The following DACH1 variants were observed in gnomAD, a reference collection of about 807,000 sequenced individuals.
DACH1 encodes the protein dachshund family transcription factor 1.
In DACH1, 12 loss-of-function variants were observed where a neutral mutation model predicts 54.2. The observed-to-expected ratio is 0.22, with a 90% CI of 0.14 to 0.36. The LOEUF is 0.36. Among genes scored for constraint, DACH1 ranks in the 10% least tolerant of loss-of-function variants. The pLI is 1.00. For missense variants in DACH1, 805 were observed against 929.8 expected, an observed-to-expected ratio of 0.87 and a Z score of 1.75; for synonymous variants, 386 against 366.2, an observed-to-expected ratio of 1.05 and a Z score of -0.62.
chr13:71,712,832 T>A (rs1250599497), intron 1 of DACH1, among the ~76,000 whole-genome samples: 2 of 152,140 alleles, frequency 1.3e-5, no homozygotes, highest in Non-Finnish European at 2.9e-5. Flanking sequence ...AACCTTTTCA[T>A]ATTTCACTAA....
At chr13:71,805,210 C>T (rs1427841478) in intron 1 of DACH1, among the ~76,000 whole-genome samples, 2 of 152,018 alleles carry the variant, frequency 1.3e-5, no homozygotes, top group Non-Finnish European at 2.9e-5. Flanking sequence ...CATTTGTATA[C>T]AATTATCATC....
chr13:71,663,168 G>C (rs1879619598), intron 2 of DACH1, among the ~76,000 whole-genome samples: 1 of 151,944 alleles, frequency 6.6e-6, no homozygotes, highest in South Asian at 2.1e-4. Flanking sequence ...GATTGTGTGT[G>C]TGTGTGTGTA....
At chr13:71,558,660 C>T (rs1884403438) in intron 5 of DACH1, among the ~76,000 whole-genome samples, 2 of 151,842 alleles carry the variant, frequency 1.3e-5, no homozygotes, top group Admixed American at 1.3e-4. Context: ...CATTTGAAAA[C>T]TGTTTTAAAA....
chr13:71,866,406 TGCC>T lies in DACH1; in HGVS notation c.361_363del (p.Gly121del), dbSNP rs530672616. ...GAAGCGACGCCGCCGCCAGCGCTGA[TGCC>T]GCCGCCGCCGCCGCCGCTGCCGTTG... On this transcript the variant is annotated inframe_deletion, in exon 1 of 11. Coordinates refer to ENST00000613252, the MANE Select transcript of DACH1 (RefSeq NM_080759.6). 3.3e-4 allele frequency: 470 copies of T among 1,417,726 alleles called. No individual in the cohort carries two copies. The highest frequency in any genetic ancestry group is 6.9e-4 in the Admixed American group (29 of 42,272). 87.8% of individuals were successfully genotyped at this position (1,417,726 alleles called of 1,614,324 possible).
At chr13:71,678,827 T>A (rs560135673) in intron 2 of DACH1, among the ~76,000 whole-genome samples, 33 of 152,200 alleles carry the variant, frequency 2.2e-4, no homozygotes, top group Non-Finnish European at 4.3e-4. Context: ...ACAGCCAAAT[T>A]GTTTTGATTT....
At chr13:71,630,496 C>T (rs1877010925) in intron 3 of DACH1, 60 bp downstream of exon 3, 1 of 1,482,834 alleles carries the variant, frequency 6.7e-7, no homozygotes, top group African/African-American at 1.4e-5. Context: ...TCTGGAAAAG[C>T]ATTTACTGTA....
chr13:71,451,094 A>G (rs1566266759), intron 10 of DACH1, among the ~76,000 whole-genome samples: 1 of 152,152 alleles, frequency 6.6e-6, no homozygotes, highest in African/African-American at 2.4e-5. Context: ...TTGTTTGTCT[A>G]TGCAACAAAG....
chr13:71,559,750 T>C, intron 5 of DACH1, 70 bp downstream of exon 5: 1 of 1,587,586 alleles, frequency 6.3e-7, no homozygotes, highest in Non-Finnish European at 8.6e-7. Flanking sequence ...AATGAGGGCA[T>C]GTTGATTAGA....
At position 71,809,121 on chromosome 13, in the gene DACH1, C is replaced by A. The variant is rs111322525; in HGVS notation, c.848+56801G>T. Among the ~76,000 whole-genome samples, 71 of 152,242 alleles carry A rather than the reference C, an allele frequency of 4.7e-4. 1 individual carries two copies. The highest frequency in any genetic ancestry group is 1.7e-3 in the African/African-American group (71 of 41,526). ...TTGTCATTTTGGTTCTTAGTAATAA[C>A]TTCATGACTATCTAAATCTTTCATG... is the stretch of plus-strand genomic sequence containing the variant. On this transcript the variant is annotated intron_variant, in intron 1 of 10. Coordinates refer to ENST00000613252, the MANE Select transcript of DACH1 (RefSeq NM_080759.6).
At chr13:71,700,211 A>T (rs1483514127) in intron 1 of DACH1, among the ~76,000 whole-genome samples, 1 of 152,142 alleles carries the variant, frequency 6.6e-6, no homozygotes, top group Non-Finnish European at 1.5e-5. Flanking sequence ...AAATAAGAAA[A>T]GGCAAAGAAA....
At chr13:71,635,553 T>C (rs1877423563) in intron 2 of DACH1, among the ~76,000 whole-genome samples, 1 of 152,206 alleles carries the variant, frequency 6.6e-6, no homozygotes, top group Non-Finnish European at 1.5e-5. Flanking sequence ...TGGTCTATAC[T>C]AAATAGAGAA....
At chr13:71,769,656 A>T (rs1398436565) in intron 1 of DACH1, among the ~76,000 whole-genome samples, 1 of 151,682 alleles carries the variant, frequency 6.6e-6, no homozygotes, top group Non-Finnish European at 1.5e-5. Context: ...AGATTTTAAA[A>T]CCATTGTGAA....
intron 1 of DACH1, among the ~76,000 whole-genome samples, chr13:71,815,266 C>T (rs1887864524): frequency 6.7e-6 from 1 of 149,360 alleles, no homozygotes; most frequent in Admixed American, 6.8e-5. Flanking sequence ...AAGTAAAAAC[C>T]ACCACAGACT....
At chr13:71,806,384 A>G (rs1294777127) in intron 1 of DACH1, among the ~76,000 whole-genome samples, 1 of 152,134 alleles carries the variant, frequency 6.6e-6, no homozygotes, top group Non-Finnish European at 1.5e-5. Context: ...TTAATGTTAT[A>G]CCCTGGGAAA....
intron 1 of DACH1, among the ~76,000 whole-genome samples, chr13:71,767,677 A>G (rs1439573378): frequency 6.6e-6 from 1 of 152,088 alleles, no homozygotes; most frequent in Non-Finnish European, 1.5e-5. Context: ...CATGGTTGTT[A>G]TTTATGGCTC....
intron 1 of DACH1, among the ~76,000 whole-genome samples, chr13:71,815,436 T>C (rs1255535863): frequency 6.6e-6 from 1 of 152,168 alleles, no homozygotes; most frequent in Non-Finnish European, 1.5e-5. Context: ...CACTTTTTCT[T>C]ACATATAGAT....
intron 2 of DACH1, among the ~76,000 whole-genome samples, chr13:71,653,277 C>T (rs1282055994): frequency 6.6e-6 from 1 of 152,150 alleles, no homozygotes; most frequent in Non-Finnish European, 1.5e-5. Flanking sequence ...AACACTCATT[C>T]CAGTGCCAAC....
intron 1 of DACH1, among the ~76,000 whole-genome samples, chr13:71,824,262 G>A (rs1888299509): frequency 6.6e-6 from 1 of 151,646 alleles, no homozygotes; most frequent in Admixed American, 6.6e-5. Context: ...TTTAAAAGAT[G>A]AGTCAGGAGG....
intron 3 of DACH1, among the ~76,000 whole-genome samples, chr13:71,599,836 C>CAT: frequency 6.6e-6 from 1 of 151,010 alleles, no homozygotes; most frequent in Non-Finnish European, 1.5e-5. Context: ...TCTACACACA[C>CAT]ACACACACAC....
Sources: gnomAD v4.1 joint callset for allele counts (sites outside exome capture counted in the v4.1 genomes callset) on GRCh38, gnomAD v4.1.1 for gene constraint, MANE v1.5 for transcripts, NCBI Gene and HGNC (gene_info 2026-07-23, HGNC 2026-07-21) for gene names.